The following ZKSCAN2 variants were observed in gnomAD, a reference collection of about 807,000 sequenced individuals.
ZKSCAN2 encodes zinc finger with KRAB and SCAN domains 2, also known as zinc finger protein with KRAB and SCAN domains 2.
Under a neutral mutation model 90.5 loss-of-function variants are expected in ZKSCAN2, and 38 were observed. That is an observed-to-expected ratio of 0.42 (90% CI 0.32 to 0.55). The LOEUF (loss-of-function observed/expected upper bound fraction) is 0.55, where lower values mean the gene tolerates loss of function less well. Ranked by LOEUF, ZKSCAN2 falls within the 20% of genes least tolerant of loss-of-function variation. ZKSCAN2 has a pLI of 0.11. For missense variants in ZKSCAN2, 1,167 were observed against 1,202.6 expected, an observed-to-expected ratio of 0.97 and a Z score of 0.44; for synonymous variants, 429 against 421.6, an observed-to-expected ratio of 1.02 and a Z score of -0.22.
At chr16:25,250,490 G>A (rs1369105684) in intron 4 of ZKSCAN2, among the ~76,000 whole-genome samples, 2 of 152,090 alleles carry the variant, frequency 1.3e-5, no homozygotes, top group African/African-American at 2.4e-5. Context: ...GGGAGATGAT[G>A]GTCAAAGCGT....
chr16:25,247,932 T>G (rs775986934), intron 4 of ZKSCAN2, among the ~76,000 whole-genome samples: 2 of 152,056 alleles, frequency 1.3e-5, no homozygotes, highest in African/African-American at 4.8e-5. Context: ...ATAGAGAGCA[T>G]AGAAGGAAGT....
chr16:25,248,418 T>C (rs1368255268), intron 4 of ZKSCAN2, among the ~76,000 whole-genome samples: 7 of 150,044 alleles, frequency 4.7e-5, no homozygotes, highest in Non-Finnish European at 1.0e-4. Flanking sequence ...AACTAAAATA[T>C]ACAAGGAACT....
chr16:25,248,444 C>T (rs1045156467), intron 4 of ZKSCAN2, among the ~76,000 whole-genome samples: 1 of 151,926 alleles, frequency 6.6e-6, no homozygotes, highest in Non-Finnish European at 1.5e-5. Context: ...AATTCAATAG[C>T]AAAATAACAA....
intron 5 of ZKSCAN2, among the ~76,000 whole-genome samples, chr16:25,244,579 G>T (rs1461984374): frequency 1.3e-5 from 2 of 152,140 alleles, no homozygotes; most frequent in Non-Finnish European, 2.9e-5. Flanking sequence ...ACTGAAATCG[G>T]TAAACTAATC....
Position 25,255,222 on chromosome 16 carries a change from C to T in ZKSCAN2, c.570G>A (p.Arg190=), listed in dbSNP as rs1597647710. 6.2e-7 allele frequency: 1 copy of T among 1,607,222 alleles called. No homozygotes were observed. Among genetic ancestry groups the T allele is most frequent in the South Asian group, 1.1e-5 (1 of 90,140 alleles). The change falls in exon 2 of 7, where the codon CGG becomes CGA. Residue 190 remains arginine, a synonymous_variant. Coordinates refer to ENST00000328086, the MANE Select transcript of ZKSCAN2 (RefSeq NM_001012981.5). ...QEQLNRKRER[R]PLPKNARPSP... is the part of the protein sequence containing the mutation. Reference sequence around the variant, plus strand: ...CCCTCTTACCATTCTTGGGTAAGGGCCGACGTTCTCGCTTTCGGTTCAGCT... The same window carrying T: ...CCCTCTTACCATTCTTGGGTAAGGGTCGACGTTCTCGCTTTCGGTTCAGCT...
chr16:25,246,155 C>G lies in ZKSCAN2; in HGVS notation c.1489+552G>C, dbSNP rs184949476. 413 of 153,454 alleles carry G rather than the reference C, an allele frequency of 2.7e-3. 2 individuals are homozygous for G. Among genetic ancestry groups the G allele is most frequent in the Non-Finnish European group, 3.5e-3 (240 of 68,972 alleles). The allele number at this position is 153,454 out of a possible 1,614,324, so 9.5% of individuals were successfully genotyped here. ...CAATTAATGTCTGATAATCTTAGTT[C>G]TTTAAGTTTGTAATTAATTATATAT... On this transcript the variant is annotated intron_variant, in intron 5 of 6. Transcript: ENST00000328086.
At chr16:25,249,298 T>C (rs556958535) in intron 4 of ZKSCAN2, among the ~76,000 whole-genome samples, 25 of 152,072 alleles carry the variant, frequency 1.6e-4, no homozygotes, top group African/African-American at 5.8e-4. Context: ...CCTAGAAGAG[T>C]AGATTTTCTT....
intron 5 of ZKSCAN2, 22 bp from the exon 6 acceptor site, chr16:25,244,298 C>A: frequency 6.3e-7 from 1 of 1,598,500 alleles, no homozygotes; most frequent in South Asian, 1.1e-5. Flanking sequence ...GGATAAAGTT[C>A]ACAATGTAAC....
chr16:25,246,421 C>G (rs964582459), intron 5 of ZKSCAN2: 1 of 475,108 alleles, frequency 2.1e-6, no homozygotes, highest in South Asian at 3.2e-5. Context: ...TCCTTAGAAC[C>G]CTGTAACTCC....
intron 1 of ZKSCAN2, 110 bp downstream of exon 1, chr16:25,256,619 T>C (rs1302120441): frequency 4.9e-5 from 62 of 1,257,492 alleles, no homozygotes; most frequent in Non-Finnish European, 6.6e-5. Flanking sequence ...CTTTTATTAG[T>C]ACCATTTATC....
intron 1 of ZKSCAN2, 71 bp downstream of exon 1, chr16:25,256,658 T>C (rs1020356375): frequency 2.7e-6 from 4 of 1,504,444 alleles, no homozygotes; most frequent in Non-Finnish European, 3.6e-6. Context: ...CTTTCTGCAA[T>C]ACATCCCTGC....
Position 25,255,286 on chromosome 16 carries a change from C to G in ZKSCAN2, c.506G>C (p.Arg169Pro). Reference sequence around the variant, plus strand: ...TGAGTGGAGGCTTCCAGGTTCCTCCCGAGACACCGCCCTGGGTTGGGTCTC... The same window carrying G: ...TGAGTGGAGGCTTCCAGGTTCCTCCGGAGACACCGCCCTGGGTTGGGTCTC... The part of the protein sequence containing the change: ...QVETQPRAVS[R>P]EEPGSLHSGH... Residue 169 changes from arginine to proline, a missense_variant, in exon 2 of 7, where the codon CGG becomes CCG. Coordinates refer to ENST00000328086, the MANE Select transcript of ZKSCAN2 (RefSeq NM_001012981.5). The G allele has an allele frequency of 1.9e-6, 3 of 1,613,748 alleles. No homozygotes were observed. Among genetic ancestry groups the G allele is most frequent in the Non-Finnish European group, 2.5e-6 (3 of 1,179,936 alleles).
rs1302421111 is a variant in ZKSCAN2, at chr16:25,238,715, C to T, written c.*1101G>A. 1 of 152,216 alleles carries T rather than the reference C, an allele frequency of 6.6e-6. No homozygotes were observed. The highest frequency in any genetic ancestry group is 1.5e-5 in the Non-Finnish European group (1 of 68,060). 9.4% of individuals were successfully genotyped at this position (152,216 alleles called of 1,614,324 possible). ...GATTTAACAGCCAGACCTGAGAGCG[C>T]TGGTCTAAGCTGAGGTGGCTATCTG... is the stretch of plus-strand genomic sequence containing the variant. On this transcript the variant is annotated 3_prime_UTR_variant, in exon 7 of 7. Coordinates refer to ENST00000328086, the MANE Select transcript of ZKSCAN2 (RefSeq NM_001012981.5).
intron 5 of ZKSCAN2, among the ~76,000 whole-genome samples, chr16:25,245,491 T>G (rs1383623435): frequency 1.3e-5 from 2 of 152,188 alleles, no homozygotes; most frequent in East Asian, 3.9e-4. Context: ...ATAGGCTGGG[T>G]GCGGTGGCTC....
In ZKSCAN2 at chr16:25,257,114, A is replaced by G. The variant is rs1423210207; in HGVS notation, c.14T>C (p.Leu5Pro). 6.2e-7 allele frequency: 1 copy of G among 1,603,044 alleles called. No homozygotes were observed. Among genetic ancestry groups the G allele is most frequent in the Non-Finnish European group, 8.5e-7 (1 of 1,173,482 alleles). Residue 5 changes from leucine to proline, a missense_variant, in exon 1 of 7, where the codon CTC becomes CCC. By Grantham distance (98) the Leu-to-Pro change is moderately conservative. Transcript: ENST00000328086. The stretch of plus-strand genomic sequence containing the variant: ...CAGGGGCGCGTCGATCTGAGAGTCG[A>G]GGGCGACAGCCATGCTGCAGCCCAG... Reference protein sequence around the residue: MAVALDSQIDAPLEV... With the variant: MAVAPDSQIDAPLEV...
chr16:25,250,348 T>C lies in ZKSCAN2; in HGVS notation c.805+1561A>G, dbSNP rs181667542. 5.9e-3 allele frequency among the ~76,000 whole-genome samples: 891 copies of C among 151,798 alleles called. 7 individuals are homozygous for C. Among genetic ancestry groups the C allele is most frequent in the Non-Finnish European group, 8.3e-3 (567 of 67,964 alleles). On this transcript the variant is annotated intron_variant, in intron 4 of 6. Coordinates refer to ENST00000328086, the MANE Select transcript of ZKSCAN2 (RefSeq NM_001012981.5). ...AAATCCTGCCATTTGTGACAACACTTGGAGGGCATTGTGCTAAGTGAAATA... is the reference window on the plus strand; with the variant it reads ...AAATCCTGCCATTTGTGACAACACTCGGAGGGCATTGTGCTAAGTGAAATA...
chr16:25,253,939 C>T (rs1036309048), intron 2 of ZKSCAN2, among the ~76,000 whole-genome samples: 13 of 152,144 alleles, frequency 8.5e-5, no homozygotes, highest in East Asian at 5.8e-4. Context: ...ACCTGGGAGG[C>T]GGAGGTTGCT....
chr16:25,252,370 G>A (rs1274742677), intron 3 of ZKSCAN2, among the ~76,000 whole-genome samples: 1 of 151,668 alleles, frequency 6.6e-6, no homozygotes, highest in South Asian at 2.1e-4. Context: ...GGAATAAGGG[G>A]GAAATATACT....
intron 6 of ZKSCAN2, among the ~76,000 whole-genome samples, chr16:25,242,590 G>T (rs753956738): frequency 1.3e-5 from 2 of 152,188 alleles, no homozygotes; most frequent in Non-Finnish European, 2.9e-5. Flanking sequence ...AGAGAATTTG[G>T]ACATGGAGAT....
Sources: gnomAD v4.1 joint callset for allele counts (sites outside exome capture counted in the v4.1 genomes callset) on GRCh38, gnomAD v4.1.1 for gene constraint, MANE v1.5 for transcripts, NCBI Gene and HGNC (gene_info 2026-07-23, HGNC 2026-07-21) for gene names.